CHD7: variants seen among roughly 807,000 people sequenced by gnomAD.
CHD7 encodes chromodomain helicase DNA binding protein 7, also known as ATP-dependent chromatin remodeler CHD7.
CHD7 carries 24 observed loss-of-function variants against 307.3 expected under a neutral mutation model. The observed-to-expected ratio is 0.08, with a 90% CI of 0.06 to 0.11. CHD7 has a LOEUF of 0.11. Among genes scored for constraint, CHD7 ranks in the 10% least tolerant of loss-of-function variants. The pLI is 1.00. For synonymous variants in CHD7, 1,363 were observed against 1,349.9 expected (o/e 1.01, Z -0.21); for missense variants, 3,106 against 3,727.1 (o/e 0.83, Z 4.34).
chr8:60,764,420 A>G (rs1160734307), intron 2 of CHD7, among the ~76,000 whole-genome samples: 2 of 152,202 alleles, frequency 1.3e-5, no homozygotes, highest in African/African-American at 4.8e-5. Flanking sequence ...CTACTGGAAA[A>G]TGTCTGTACC....
intron 6 of CHD7, among the ~76,000 whole-genome samples, chr8:60,806,158 T>A (rs10103011): frequency 2.6e-5 from 4 of 151,968 alleles, no homozygotes; most frequent in Non-Finnish European, 4.4e-5. Flanking sequence ...GTCAGGAGAT[T>A]GAGACCATCC....
At chr8:60,784,564 A>G (rs1447806849) in intron 3 of CHD7, among the ~76,000 whole-genome samples, 2 of 152,032 alleles carry the variant, frequency 1.3e-5, no homozygotes, top group Admixed American at 1.3e-4. Flanking sequence ...CATCACTTAC[A>G]CTCACCATGG....
At chr8:60,683,220 G>A (rs528738420) in intron 1 of CHD7, among the ~76,000 whole-genome samples, 14 of 152,000 alleles carry the variant, frequency 9.2e-5, no homozygotes, top group Non-Finnish European at 1.6e-4. Flanking sequence ...TTATTATTTA[G>A]TCTTTAAAAA....
rs998251893 is a variant in CHD7, at chr8:60,842,125, A to G, written c.4850+73A>G. The stretch of plus-strand genomic sequence containing the variant: ...TAGAATTCCCAACTGGTAGAGAAAA[A>G]CTATATTTGTGTTTGAATTTGTGTG... On this transcript the variant is annotated intron_variant, in intron 21 of 37. Transcript: ENST00000423902. 3.2e-6 allele frequency: 4 copies of G among 1,269,342 alleles called. No individual in the cohort carries two copies. The African/African-American group carries it at 5.9e-5, about 19-fold the overall frequency. 78.6% of individuals were successfully genotyped at this position (1,269,342 alleles called of 1,614,324 possible). A position where few individuals can be genotyped will look rare whatever the true frequency, so the allele number is the denominator to read the frequency against.
intron 1 of CHD7, among the ~76,000 whole-genome samples, chr8:60,710,592 C>T (rs1383049116): frequency 6.6e-6 from 1 of 152,188 alleles, no homozygotes; most frequent in Non-Finnish European, 1.5e-5. Context: ...CATTGTTTTC[C>T]ATACCCAAAT....
At chr8:60,751,957 A>C (rs539299823) in intron 2 of CHD7, among the ~76,000 whole-genome samples, 2 of 152,318 alleles carry the variant, frequency 1.3e-5, no homozygotes, top group African/African-American at 4.8e-5. Flanking sequence ...GCTGCAAGGC[A>C]CTTCCTTACC....
intron 2 of CHD7, among the ~76,000 whole-genome samples, chr8:60,755,486 T>C (rs1473327605): frequency 2.0e-5 from 3 of 152,094 alleles, no homozygotes; most frequent in African/African-American, 7.2e-5. Context: ...GACCCTTTTG[T>C]TTATTATCTT....
At chr8:60,788,056 A>G (rs565790142) in intron 3 of CHD7, among the ~76,000 whole-genome samples, 76 of 151,562 alleles carry the variant, frequency 5.0e-4, no homozygotes, top group Non-Finnish European at 8.5e-4. Flanking sequence ...GCCTATCCTC[A>G]AGTGATCCGC....
rs1407022842 is a variant in CHD7, at chr8:60,828,821, C to T, written c.3522+15C>T. On this transcript the variant is annotated intron_variant, in intron 14 of 37. Transcript: ENST00000423902. ...CAGAAGAGCAGGTATTTATCAGCTC[C>T]ACTTTGTATTTCAGTTATAAAATTG... 2.5e-6 allele frequency: 4 copies of T among 1,606,880 alleles called. No individual in the cohort carries two copies. Among genetic ancestry groups the T allele is most frequent in the Non-Finnish European group, 2.6e-6 (3 of 1,174,916 alleles).
At chr8:60,714,116 C>T (rs1305019388) in intron 1 of CHD7, among the ~76,000 whole-genome samples, 1 of 152,006 alleles carries the variant, frequency 6.6e-6, no homozygotes, top group Non-Finnish European at 1.5e-5. Flanking sequence ...GGCTGGGCCG[C>T]GCTTCCGGGA....
intron 8 of CHD7, among the ~76,000 whole-genome samples, chr8:60,817,079 C>T (rs1033941026): frequency 2.2e-4 from 34 of 152,272 alleles, no homozygotes; most frequent in African/African-American, 7.9e-4. Context: ...ACTAGAAGTG[C>T]CAGTTCTGCC....
At chr8:60,803,727 G>A (rs780814677) in intron 6 of CHD7, among the ~76,000 whole-genome samples, 18 of 152,184 alleles carry the variant, frequency 1.2e-4, no homozygotes, top group Non-Finnish European at 2.4e-4. Flanking sequence ...ACATTAACAG[G>A]TGCTAACTTT....
chr8:60,680,136 G>C (rs1277820650), intron 1 of CHD7, among the ~76,000 whole-genome samples: 1 of 151,796 alleles, frequency 6.6e-6, no homozygotes, highest in Admixed American at 6.5e-5. Flanking sequence ...GCGCCGGTGG[G>C]GGGTGGTCAC....
intron 4 of CHD7, among the ~76,000 whole-genome samples, chr8:60,795,487 A>C (rs1382856564): frequency 6.6e-6 from 1 of 152,146 alleles, no homozygotes; most frequent in Non-Finnish European, 1.5e-5. Flanking sequence ...AGTTTGGTTG[A>C]TTGTCACTTT....
Position 60,742,184 on chromosome 8 carries a change from A to G in CHD7, c.752A>G (p.His251Arg). The G allele has an allele frequency of 1.2e-6, 2 of 1,613,758 alleles. No homozygotes were observed. The highest frequency in any genetic ancestry group is 1.1e-5 in the South Asian group (1 of 91,058). Residue 251 changes from histidine to arginine, a missense_variant, in exon 2 of 38, where the codon CAC (histidine) becomes CGC (arginine). Physicochemically the swap from His to Arg is conservative, Grantham distance 29. Around this residue, in one of 10 missense-constraint regions of CHD7, gnomAD observed 998 missense variants for 1,004.5 expected, o/e 0.99. Transcript: ENST00000423902. ...QSPSMAPSLR[H>R]SVQQFHHHPS... is the part of the protein sequence containing the mutation. ...CCCAGCATGGCACCTTCCTTGCGTC[A>G]CTCGGTGCAGCAGTTCCATCACCAC... is the stretch of plus-strand genomic sequence containing the variant.
chr8:60,709,827 A>T (rs560654502), intron 1 of CHD7, among the ~76,000 whole-genome samples: 1 of 152,220 alleles, frequency 6.6e-6, no homozygotes, highest in Admixed American at 6.5e-5. Context: ...TTCAATAGCA[A>T]TGGTAATAGA....
chr8:60,684,452 A>T (rs1805783649), intron 1 of CHD7, among the ~76,000 whole-genome samples: 1 of 152,242 alleles, frequency 6.6e-6, no homozygotes, highest in Non-Finnish European at 1.5e-5. Context: ...GTAAACTCAC[A>T]CAAAAACTAG....
chr8:60,724,726 T>G (rs1291797207), intron 1 of CHD7, among the ~76,000 whole-genome samples: 2 of 152,222 alleles, frequency 1.3e-5, no homozygotes, highest in Non-Finnish European at 2.9e-5. Flanking sequence ...TCTAAAGTGT[T>G]GGAGAGATGT....
At chr8:60,717,738 C>G (rs1400801862) in intron 1 of CHD7, among the ~76,000 whole-genome samples, 1 of 59,466 alleles carries the variant, frequency 1.7e-5, no homozygotes, top group African/African-American at 5.2e-5. Context: ...CCATTGTCCA[C>G]TGACAATTGT....
Sources: allele counts gnomAD v4.1 joint callset (sites outside exome capture counted in the v4.1 genomes callset), GRCh38; gene constraint gnomAD v4.1.1; regional missense constraint gnomAD v4.1.1; transcripts MANE v1.5; gene names NCBI Gene and HGNC (gene_info 2026-07-23, HGNC 2026-07-21).